Variants in TDRD10 observed in about 807,000 individuals in gnomAD.
TDRD10 encodes tudor domain-containing protein 10.
In TDRD10, 40 loss-of-function variants were observed where a neutral mutation model predicts 48.0. The ratio of observed to expected loss-of-function variants is 0.83; its 90% CI spans 0.65 to 1.09. The LOEUF is 1.09. Among genes scored for constraint, TDRD10 ranks in the 50% least tolerant of loss-of-function variants. The probability of loss-of-function intolerance (pLI) is 0.00; values close to 1 mark genes in which losing one functional copy is unlikely to be tolerated. For missense variants in TDRD10, 378 were observed against 434.7 expected, an observed-to-expected ratio of 0.87 and a Z score of 1.16; for synonymous variants, 162 against 170.4, an observed-to-expected ratio of 0.95 and a Z score of 0.38.
At chr1:154,529,610 G>C (rs560116601) in intron 6 of TDRD10, among the ~76,000 whole-genome samples, 1 of 149,420 alleles carries the variant, frequency 6.7e-6, no homozygotes, top group Admixed American at 6.7e-5. Flanking sequence ...CAATGGCATG[G>C]TCTCAGCTCA....
intron 6 of TDRD10, among the ~76,000 whole-genome samples, chr1:154,527,561 T>A (rs1030470760): frequency 6.6e-6 from 1 of 152,166 alleles, no homozygotes; most frequent in South Asian, 2.1e-4. Flanking sequence ...ATCTTTACGA[T>A]CTCAGTGAGG....
At chr1:154,516,695 C>G (rs1025063160) in intron 4 of TDRD10, among the ~76,000 whole-genome samples, 1 of 152,162 alleles carries the variant, frequency 6.6e-6, no homozygotes, top group Non-Finnish European at 1.5e-5. Context: ...GCCTGTCATC[C>G]CAGCCCTTTG....
At chr1:154,509,958 C>T (rs1262978852) in intron 4 of TDRD10, 7 of 704,176 alleles carry the variant, frequency 9.9e-6, no homozygotes, top group Non-Finnish European at 1.2e-5. Flanking sequence ...GCTTGCTTGG[C>T]CATACTGTCC....
intron 4 of TDRD10, among the ~76,000 whole-genome samples, chr1:154,518,585 G>A (rs1179580970): frequency 1.3e-5 from 2 of 152,062 alleles, no homozygotes; most frequent in South Asian, 2.1e-4. Flanking sequence ...CCGCCACCAC[G>A]CCCGGCTAAT....
At chr1:154,542,153 C>G in intron 7 of TDRD10, 87 bp downstream of exon 7, 1 of 1,342,934 alleles carries the variant, frequency 7.4e-7, no homozygotes, top group Admixed American at 1.8e-5. Context: ...AGCCTCCCTT[C>G]CAGCTCAGTC....
chr1:154,509,454 C>T (rs1693323943), intron 4 of TDRD10, among the ~76,000 whole-genome samples: 1 of 152,150 alleles, frequency 6.6e-6, no homozygotes. Flanking sequence ...ATGCCCCCAT[C>T]TTGGAGATGA....
rs527838658 is a variant in TDRD10, at chr1:154,514,058, C to T, written c.141+5577C>T. On this transcript the variant is annotated intron_variant, in intron 4 of 12. Transcript: ENST00000368482. ...TACAAAAATTAGCCAGACACGGTGG[C>T]GGGTGCCTGTAATCCCAGCTACTCA... Among the ~76,000 whole-genome samples the T allele has an allele frequency of 6.6e-5, 10 of 152,086 alleles. No homozygotes were observed. In the East Asian group the frequency reaches 9.6e-4, roughly 15 times the overall value.
chr1:154,542,506 G>T (rs1557836172), intron 7 of TDRD10, among the ~76,000 whole-genome samples: 1 of 152,174 alleles, frequency 6.6e-6, no homozygotes, highest in Non-Finnish European at 1.5e-5. Context: ...GGGATTACAG[G>T]TGCAAGCCAC....
At chr1:154,533,891 A>AT (rs1302276615) in intron 6 of TDRD10, among the ~76,000 whole-genome samples, 6 of 54,026 alleles carry the variant, frequency 1.1e-4, no homozygotes, top group Non-Finnish European at 1.8e-4. Flanking sequence ...ATATATATAT[A>AT]TATTTTTTTT....
intron 4 of TDRD10, among the ~76,000 whole-genome samples, chr1:154,514,619 G>A (rs1693653168): frequency 6.6e-6 from 1 of 152,082 alleles, no homozygotes; most frequent in Admixed American, 6.6e-5. Flanking sequence ...GCCACTGCTC[G>A]CACCCCGGCC....
rs191360702 is a variant in TDRD10, at chr1:154,513,897, A to G, written c.141+5416A>G. ...TGATAGAGATTTAAGGAGATTTAGA[A>G]GAGACTTAGGGGCTGTGTTTGGTGG... On this transcript the variant is annotated intron_variant, in intron 4 of 12. Coordinates refer to ENST00000368482, the MANE Select transcript of TDRD10 (RefSeq NM_182499.4). Among the ~76,000 whole-genome samples, 54 of 152,302 alleles carry G rather than the reference A, an allele frequency of 3.5e-4. No homozygotes were observed. The East Asian group carries it at 8.7e-3, about 25-fold the overall frequency.
At chr1:154,508,346 C>A in intron 3 of TDRD10, 77 bp from the exon 4 acceptor site, 1 of 1,001,400 alleles carries the variant, frequency 1.0e-6, no homozygotes, top group Non-Finnish European at 1.6e-6. Flanking sequence ...GAGACCCTGT[C>A]TCTATCCTGT....
chr1:154,514,259 C>T (rs1218980315), intron 4 of TDRD10, among the ~76,000 whole-genome samples: 2 of 152,122 alleles, frequency 1.3e-5, no homozygotes, highest in Admixed American at 6.5e-5. Context: ...GTCTTGATCC[C>T]GTTTTGGACA....
chr1:154,507,465 A>G (rs1693207888), intron 3 of TDRD10, 145 bp downstream of exon 3: 2 of 993,702 alleles, frequency 2.0e-6, no homozygotes, highest in African/African-American at 1.6e-5. Context: ...GTCAGCCACC[A>G]TGTTTCCTGT....
intron 6 of TDRD10, among the ~76,000 whole-genome samples, chr1:154,535,970 A>T (rs532089211): frequency 1.3e-5 from 2 of 152,174 alleles, no homozygotes; most frequent in Non-Finnish European, 2.9e-5. Flanking sequence ...GAAAAATGTA[A>T]AATTGAGAGG....
At chr1:154,528,210 C>G (rs1355675674) in intron 6 of TDRD10, among the ~76,000 whole-genome samples, 1 of 93,436 alleles carries the variant, frequency 1.1e-5, no homozygotes. Flanking sequence ...GAAACCTCGT[C>G]TCTTAAAAAA....
chr1:154,534,844 G>T (rs1009194945), intron 6 of TDRD10, among the ~76,000 whole-genome samples: 5 of 115,406 alleles, frequency 4.3e-5, no homozygotes, highest in African/African-American at 1.4e-4. Flanking sequence ...CAGTGTTCAG[G>T]TCAGCGTGGG....
chr1:154,527,592 A>C (rs1694380870), intron 6 of TDRD10, among the ~76,000 whole-genome samples: 1 of 152,224 alleles, frequency 6.6e-6, no homozygotes, highest in African/African-American at 2.4e-5. Context: ...CAGATGTCCT[A>C]CTGGATATGA....
chr1:154,539,113 C>T (rs1006390573), intron 6 of TDRD10, among the ~76,000 whole-genome samples: 2 of 152,164 alleles, frequency 1.3e-5, no homozygotes, highest in African/African-American at 4.8e-5. Context: ...GACAGCCTGA[C>T]TCTTGAATCC....
Sources: gnomAD v4.1 joint callset for allele counts (sites outside exome capture counted in the v4.1 genomes callset) on GRCh38, gnomAD v4.1.1 for gene constraint, MANE v1.5 for transcripts, NCBI Gene and HGNC (gene_info 2026-07-23, HGNC 2026-07-21) for gene names.